Variants in APBB1IP observed in about 807,000 individuals in gnomAD.
APBB1IP encodes amyloid beta A4 precursor protein-binding family B member 1-interacting protein.
In APBB1IP, 27 loss-of-function variants were observed where a neutral mutation model predicts 64.9. The observed-to-expected ratio is 0.42, with a 90% CI of 0.31 to 0.57. The LOEUF (loss-of-function observed/expected upper bound fraction) is 0.57, where lower values mean the gene tolerates loss of function less well. Ranked by LOEUF, APBB1IP falls within the 20% of genes least tolerant of loss-of-function variation. The pLI is 0.20. For synonymous variants in APBB1IP, 392 were observed against 331.0 expected (o/e 1.18, Z -2.00); for missense variants, 812 against 845.5 (o/e 0.96, Z 0.49).
chr10:26,496,476 A>G, intron 4 of APBB1IP, 85 bp downstream of exon 4: 1 of 1,107,632 alleles, frequency 9.0e-7, no homozygotes, highest in South Asian at 1.4e-5. Flanking sequence ...TGAAAACTAA[A>G]TTAAAGGAAC....
chr10:26,482,357 A>G (rs1252884645), intron 2 of APBB1IP, among the ~76,000 whole-genome samples: 2 of 152,220 alleles, frequency 1.3e-5, no homozygotes, highest in African/African-American at 4.8e-5. Flanking sequence ...CAAACGTTGC[A>G]AGAACCTTTA....
intron 8 of APBB1IP, among the ~76,000 whole-genome samples, chr10:26,514,999 G>A (rs953723546): frequency 1.3e-5 from 2 of 150,896 alleles, no homozygotes; most frequent in Admixed American, 1.3e-4. Flanking sequence ...AGCCTCCCAA[G>A]TAGCTGGGAC....
intron 10 of APBB1IP, among the ~76,000 whole-genome samples, chr10:26,539,594 A>G (rs984498485): frequency 2.6e-5 from 4 of 152,234 alleles, no homozygotes; most frequent in Non-Finnish European, 5.9e-5. Context: ...ACTCAAAATT[A>G]TAACGGAGAA....
At chr10:26,453,181 T>C (rs2132400134) in intron 2 of APBB1IP, among the ~76,000 whole-genome samples, 2 of 152,330 alleles carry the variant, frequency 1.3e-5, no homozygotes, top group South Asian at 4.1e-4. Context: ...ATTCTGATGC[T>C]GCCAGAATGG....
chr10:26,560,605 C>A, intron 12 of APBB1IP, 125 bp from the exon 13 acceptor site: 1 of 630,192 alleles, frequency 1.6e-6, no homozygotes, highest in African/African-American at 1.8e-5. Flanking sequence ...AAAAAACCAA[C>A]TCAGACAAGT....
chr10:26,472,580 C>CATTT (rs1835731819), intron 2 of APBB1IP, among the ~76,000 whole-genome samples: 1 of 150,074 alleles, frequency 6.7e-6, no homozygotes, highest in South Asian at 2.1e-4. Flanking sequence ...TTCATTCATT[C>CATTT]ATTCATTCAT....
chr10:26,472,634 A>C (rs552912851), intron 2 of APBB1IP, among the ~76,000 whole-genome samples: 53 of 152,170 alleles, frequency 3.5e-4, no homozygotes, highest in Non-Finnish European at 6.5e-4. Context: ...ATGATGCATT[A>C]AATGTTGAAA....
intron 6 of APBB1IP, 33 bp from the exon 7 acceptor site, chr10:26,511,714 A>T: frequency 6.2e-7 from 1 of 1,606,710 alleles, no homozygotes; most frequent in East Asian, 2.2e-5. Context: ...CAGTTGCTGA[A>T]ATTTACTGGC....
chr10:26,500,857 C>G lies in APBB1IP; in HGVS notation c.199C>G (p.Leu67Val). 2 of 1,614,178 alleles carry G rather than the reference C, an allele frequency of 1.2e-6. No homozygotes were observed. The highest frequency in any genetic ancestry group is 1.7e-6 in the Non-Finnish European group (2 of 1,180,020). The stretch of plus-strand genomic sequence containing the variant: ...ACTGGAAGACCAAGATTTAGATGCT[C>G]TCATGGCAGATCTGGTAGCAGACAT... ...NALEDQDLDA[L>V]MADLVADISE... Residue 67 changes from leucine to valine, a missense_variant, in exon 5 of 15, where the codon CTC becomes GTC. Physicochemically the swap from Leu to Val is conservative, Grantham distance 32. Coordinates refer to ENST00000376236, the MANE Select transcript of APBB1IP (RefSeq NM_019043.4).
intron 11 of APBB1IP, among the ~76,000 whole-genome samples, chr10:26,545,363 G>T (rs994856290): frequency 3.9e-5 from 6 of 152,238 alleles, no homozygotes; most frequent in East Asian, 3.8e-4. Flanking sequence ...GGTGGCACGT[G>T]CTTGTAATCC....
chr10:26,510,059 TC>T (rs1836233325), intron 6 of APBB1IP, among the ~76,000 whole-genome samples: 1 of 152,154 alleles, frequency 6.6e-6, no homozygotes. Context: ...AACCTCTGCC[TC>T]CCAGTTTCAA....
intron 11 of APBB1IP, among the ~76,000 whole-genome samples, chr10:26,555,415 T>C (rs574555966): frequency 9.8e-5 from 15 of 152,304 alleles, no homozygotes; most frequent in Admixed American, 9.8e-4. Flanking sequence ...ATTACAGCAT[T>C]CTGTCGCTTC....
rs113715217 is a variant in APBB1IP at position 26,501,476 on chromosome 10, T to C, written c.453+365T>C. On this transcript the variant is annotated intron_variant, in intron 5 of 14. Transcript: ENST00000376236. ...TGTTCTTAGCTCAGTACATAGAGAA[T>C]AGAAGGCATTCATTATACATTTTCT... 3.7e-5 allele frequency: 14 copies of C among 374,894 alleles called. No individual in the cohort carries two copies. The East Asian group carries it at 5.3e-4, about 14-fold the overall frequency. 23.2% of individuals were successfully genotyped at this position (374,894 alleles called of 1,614,324 possible). A position where few individuals can be genotyped will look rare whatever the true frequency, so the allele number is the denominator to read the frequency against.
At chr10:26,511,181 A>T (rs1836254389) in intron 6 of APBB1IP, among the ~76,000 whole-genome samples, 2 of 152,044 alleles carry the variant, frequency 1.3e-5, no homozygotes, top group South Asian at 4.1e-4. Context: ...TCTCCACTGG[A>T]AAAAGAAAAA....
chr10:26,547,473 C>T (rs765685689), intron 11 of APBB1IP, among the ~76,000 whole-genome samples: 2 of 151,970 alleles, frequency 1.3e-5, no homozygotes, highest in South Asian at 4.2e-4. Context: ...CACAGTTTCG[C>T]TCTTGTTGAC....
chr10:26,546,630 A>T (rs578137382), intron 11 of APBB1IP, among the ~76,000 whole-genome samples: 1 of 152,260 alleles, frequency 6.6e-6, no homozygotes, highest in East Asian at 1.9e-4. Context: ...ACCAGAACTT[A>T]TTCTTCCTAA....
chr10:26,555,933 A>G (rs1588618453), intron 11 of APBB1IP, among the ~76,000 whole-genome samples: 1 of 151,914 alleles, frequency 6.6e-6, no homozygotes, highest in East Asian at 2.1e-4. Context: ...AGGAATTAGC[A>G]TATTTCTTGG....
chr10:26,502,641 CAAA>C (rs201019385), intron 5 of APBB1IP, among the ~76,000 whole-genome samples: 2 of 105,790 alleles, frequency 1.9e-5, no homozygotes, highest in Non-Finnish European at 2.1e-5. Context: ...GACTCCATCT[CAAA>C]AAAAAAAAAA....
intron 8 of APBB1IP, among the ~76,000 whole-genome samples, chr10:26,529,552 G>C (rs1466163466): frequency 2.0e-5 from 3 of 152,234 alleles, no homozygotes; most frequent in Non-Finnish European, 4.4e-5. Context: ...AGTTTAGACA[G>C]GTTCTTCCCT....
Sources: gnomAD v4.1 joint callset for allele counts (sites outside exome capture counted in the v4.1 genomes callset) on GRCh38, gnomAD v4.1.1 for gene constraint, MANE v1.5 for transcripts, NCBI Gene and HGNC (gene_info 2026-07-23, HGNC 2026-07-21) for gene names.